IPO8: variants seen among roughly 807,000 people sequenced by gnomAD.
IPO8 encodes the protein importin 8, also known as importin-8.
In IPO8, 65 loss-of-function variants were observed where a neutral mutation model predicts 141.2. That is an observed-to-expected ratio of 0.46 (90% CI 0.38 to 0.57). The LOEUF (loss-of-function observed/expected upper bound fraction) is 0.57, where lower values mean the gene tolerates loss of function less well. Among genes scored for constraint, IPO8 ranks in the 20% least tolerant of loss-of-function variants. The pLI is 0.00. For synonymous variants in IPO8, 411 were observed against 420.3 expected (o/e 0.98, Z 0.27); for missense variants, 980 against 1,246.8 (o/e 0.79, Z 3.22).
intron 2 of IPO8, among the ~76,000 whole-genome samples, chr12:30,690,240 C>T (rs1355035387): frequency 6.6e-6 from 1 of 151,692 alleles, no homozygotes; most frequent in African/African-American, 2.4e-5. Context: ...AAAATAAGGG[C>T]AAAGTTACAG....
At chr12:30,633,275 T>G (rs1454492749) in intron 23 of IPO8, among the ~76,000 whole-genome samples, 1 of 152,216 alleles carries the variant, frequency 6.6e-6, no homozygotes, top group Non-Finnish European at 1.5e-5. Context: ...AGGATGTTCA[T>G]TTTAATAACC....
intron 20 of IPO8, among the ~76,000 whole-genome samples, chr12:30,644,640 G>GTT (rs796136798): frequency 1.6e-4 from 14 of 89,572 alleles, no homozygotes; most frequent in South Asian, 3.2e-4. Flanking sequence ...GCTTTTTGGT[G>GTT]TTTTTTTTTT....
intron 13 of IPO8, 67 bp from the exon 14 acceptor site, chr12:30,663,721 T>C: frequency 8.5e-7 from 1 of 1,175,608 alleles, no homozygotes; most frequent in East Asian, 2.6e-5. Context: ...ATATCACAGA[T>C]ATAAGAACTT....
At chr12:30,648,595 T>C (rs2136136481) in intron 20 of IPO8, among the ~76,000 whole-genome samples, 1 of 152,236 alleles carries the variant, frequency 6.6e-6, no homozygotes, top group African/African-American at 2.4e-5. Flanking sequence ...AAGCAAAACT[T>C]ACAGAAAAGA....
At chr12:30,666,959 TC>T (rs2052975654) in intron 10 of IPO8, among the ~76,000 whole-genome samples, 1 of 152,220 alleles carries the variant, frequency 6.6e-6, no homozygotes, top group South Asian at 2.1e-4. Flanking sequence ...TATATACCTA[TC>T]TAAAACTTAA....
At chr12:30,690,739 C>CA (rs1395631306) in intron 1 of IPO8, among the ~76,000 whole-genome samples, 162 bp from the exon 2 acceptor site, 1 of 151,902 alleles carries the variant, frequency 6.6e-6, no homozygotes, top group African/African-American at 2.4e-5. Flanking sequence ...TACTTCAAGT[C>CA]AAAAAAATTT....
At chr12:30,633,765 T>C (rs1248643242) in intron 23 of IPO8, among the ~76,000 whole-genome samples, 1 of 152,200 alleles carries the variant, frequency 6.6e-6, no homozygotes, top group Admixed American at 6.5e-5. Context: ...TTCTTTGCTA[T>C]AAAAATGCTT....
chr12:30,671,986 G>T (rs1591838874), intron 8 of IPO8, among the ~76,000 whole-genome samples: 4 of 152,048 alleles, frequency 2.6e-5, no homozygotes, highest in Admixed American at 2.6e-4. Context: ...TATAATCTCA[G>T]ATTATAAAAG....
chr12:30,677,178 A>T, intron 5 of IPO8: 1 of 907,748 alleles, frequency 1.1e-6, no homozygotes, highest in Non-Finnish European at 1.6e-6. Flanking sequence ...AACTGGAAAA[A>T]ATGTATATAA....
intron 5 of IPO8, 101 bp from the exon 6 acceptor site, chr12:30,676,688 T>C (rs2053124969): frequency 1.2e-6 from 1 of 866,586 alleles, no homozygotes; most frequent in Non-Finnish European, 1.9e-6. Context: ...AGGGCTAACA[T>C]TTGAGAATGA....
intron 13 of IPO8, among the ~76,000 whole-genome samples, chr12:30,664,748 T>TC (rs1210927196): frequency 2.8e-5 from 3 of 105,984 alleles, no homozygotes; most frequent in Admixed American, 2.3e-4. Flanking sequence ...ATAAATATTT[T>TC]CCTTTTTTTT....
intron 6 of IPO8, among the ~76,000 whole-genome samples, chr12:30,675,825 CAGA>C (rs2053113081): frequency 2.3e-5 from 3 of 128,630 alleles, no homozygotes; most frequent in East Asian, 4.5e-4. Context: ...GCCTGGGTGA[CAGA>C]AGGAGACTCT....
intron 16 of IPO8, among the ~76,000 whole-genome samples, chr12:30,657,036 T>TA (rs575076718): frequency 6.6e-6 from 1 of 151,094 alleles, no homozygotes; most frequent in African/African-American, 2.4e-5. Flanking sequence ...AAATAAACCA[T>TA]AAAAAAATAG....
chr12:30,637,442 A>G (rs1318778112), intron 21 of IPO8, among the ~76,000 whole-genome samples: 1 of 152,216 alleles, frequency 6.6e-6, no homozygotes, highest in Non-Finnish European at 1.5e-5. Context: ...TATGATTAAT[A>G]TAAATGTTAT....
rs2052948094 is a variant in IPO8 at position 30,665,368 on chromosome 12, T to C, written c.1339-59A>G. On this transcript the variant is annotated intron_variant, in intron 12 of 24. Coordinates refer to ENST00000256079, the MANE Select transcript of IPO8 (RefSeq NM_006390.4). ...TTTTTCATACGTAAGAATCACTTCCTAATCAAGTGTGTTTACTATGACTTG... is the reference window on the plus strand; with the variant it reads ...TTTTTCATACGTAAGAATCACTTCCCAATCAAGTGTGTTTACTATGACTTG... 4 of 961,000 alleles carry C rather than the reference T, an allele frequency of 4.2e-6. No individual in the cohort carries two copies. In the African/African-American group the frequency reaches 4.9e-5, roughly 12 times the overall value. The allele number at this position is 961,000 out of a possible 1,614,324, so 59.5% of individuals were successfully genotyped here.
In IPO8 at chr12:30,681,832, AG is replaced by A; in HGVS notation, c.324-16del. On this transcript the variant is annotated splice_polypyrimidine_tract_variant and intron_variant, in intron 3 of 24. Coordinates refer to ENST00000256079, the MANE Select transcript of IPO8 (RefSeq NM_006390.4). The stretch of plus-strand genomic sequence containing the variant: ...TTAATTGGACTCTACAAAGTAGGGA[AG>A]AAAAGTCCAAAATCTAAGTAATTAT... 1.3e-6 allele frequency: 2 copies of A among 1,594,280 alleles called. No individual in the cohort carries two copies. The highest frequency in any genetic ancestry group is 1.7e-6 in the Non-Finnish European group (2 of 1,170,694).
chr12:30,635,898 T>G (rs1471343703), intron 22 of IPO8, among the ~76,000 whole-genome samples: 1 of 151,894 alleles, frequency 6.6e-6, no homozygotes, highest in South Asian at 2.1e-4. Context: ...CAGAAAATTT[T>G]CCCTCAAGCC....
intron 21 of IPO8, among the ~76,000 whole-genome samples, chr12:30,638,170 C>T (rs1342891423): frequency 6.6e-6 from 1 of 152,180 alleles, no homozygotes; most frequent in Non-Finnish European, 1.5e-5. Flanking sequence ...TACACAATAG[C>T]AGGGAGACTG....
chr12:30,629,610 T>C lies in IPO8; in HGVS notation c.*1250A>G, dbSNP rs1024891493. The C allele has an allele frequency of 1.1e-4, 17 of 152,236 alleles. No individual in the cohort carries two copies. Among genetic ancestry groups the C allele is most frequent in the African/African-American group, 3.1e-4 (13 of 41,456 alleles). 9.4% of individuals were successfully genotyped at this position (152,236 alleles called of 1,614,324 possible). ...CCAGTAATATGTTAAGTTCTGAAGA[T>C]ACGTTTTCATTTTGCTGAATAAAAA... is the stretch of plus-strand genomic sequence containing the variant. On this transcript the variant is annotated 3_prime_UTR_variant, in exon 25 of 25. Transcript: ENST00000256079.
Sources: allele counts gnomAD v4.1 joint callset (sites outside exome capture counted in the v4.1 genomes callset), GRCh38; gene constraint gnomAD v4.1.1; transcripts MANE v1.5; gene names NCBI Gene and HGNC (gene_info 2026-07-23, HGNC 2026-07-21).